Variants in SLC39A11 observed in about 807,000 individuals in gnomAD.
SLC39A11 encodes zinc transporter ZIP11.
A neutral mutation model predicts 36.1 loss-of-function variants in SLC39A11; 33 were observed. The ratio of observed to expected loss-of-function variants is 0.91; its 90% CI spans 0.69 to 1.22. The LOEUF is 1.22. SLC39A11 is among the 50% of genes most tolerant of loss of function. The pLI is 0.00. For missense variants in SLC39A11, 432 were observed against 430.3 expected, an observed-to-expected ratio of 1.00 and a Z score of -0.03; for synonymous variants, 166 against 170.3, an observed-to-expected ratio of 0.97 and a Z score of 0.20.
intron 6 of SLC39A11, among the ~76,000 whole-genome samples, chr17:72,754,020 G>GTGTA (rs1436363238): frequency 1.6e-4 from 17 of 108,350 alleles, no homozygotes; most frequent in African/African-American, 6.5e-4. Flanking sequence ...ATGTATATAT[G>GTGTA]TATATATATA....
At chr17:72,690,147 G>A (rs762858982) in intron 7 of SLC39A11, among the ~76,000 whole-genome samples, 18 of 152,214 alleles carry the variant, frequency 1.2e-4, no homozygotes, top group South Asian at 2.1e-4. Flanking sequence ...GGCTGGTGGC[G>A]GGGCTCAAGA....
At chr17:72,716,942 C>A (rs534143260) in intron 7 of SLC39A11, among the ~76,000 whole-genome samples, 201 of 145,812 alleles carry the variant, frequency 1.4e-3, no homozygotes, top group African/African-American at 4.9e-3. Flanking sequence ...GCACTCCACC[C>A]TGGGAAACAG....
At chr17:72,963,742 T>C (rs891763060) in intron 4 of SLC39A11, among the ~76,000 whole-genome samples, 1 of 152,162 alleles carries the variant, frequency 6.6e-6, no homozygotes, top group East Asian at 1.9e-4. Context: ...AGTCATTATA[T>C]AGTTGAGGTT....
rs1330451371 is a variant in SLC39A11, at chr17:73,088,648, G to A, written c.108+9C>T. The A allele has an allele frequency of 6.2e-7, 1 of 1,607,216 alleles. No individual in the cohort carries two copies. Among genetic ancestry groups the A allele is most frequent in the Admixed American group, 1.7e-5 (1 of 59,430 alleles). Reference sequence around the variant, plus strand: ...CACCAACATCCAGAACCAAAGCAAGGCAACTCACCTGTCCACTAGAGAATA... The same window carrying A: ...CACCAACATCCAGAACCAAAGCAAGACAACTCACCTGTCCACTAGAGAATA... On this transcript the variant is annotated intron_variant, in intron 2 of 9. Coordinates refer to ENST00000255559, the MANE Select transcript of SLC39A11 (RefSeq NM_139177.4).
At chr17:72,651,435 G>A (rs2069848024) in intron 7 of SLC39A11, among the ~76,000 whole-genome samples, 1 of 152,206 alleles carries the variant, frequency 6.6e-6, no homozygotes, top group African/African-American at 2.4e-5. Context: ...AGCCCAGGGT[G>A]CTTACTGTAT....
chr17:73,058,779 A>G (rs2059749967), intron 3 of SLC39A11, among the ~76,000 whole-genome samples: 1 of 152,222 alleles, frequency 6.6e-6, no homozygotes, highest in Non-Finnish European at 1.5e-5. Flanking sequence ...TTCCTTTTGT[A>G]GGATCTGTCT....
intron 4 of SLC39A11, among the ~76,000 whole-genome samples, chr17:72,963,760 G>T (rs996291183): frequency 2.0e-5 from 3 of 152,114 alleles, no homozygotes; most frequent in Admixed American, 1.3e-4. Flanking sequence ...GTTCTGCCTG[G>T]CAAAGGCTTC....
At chr17:72,738,153 C>T (rs1568009121) in intron 6 of SLC39A11, among the ~76,000 whole-genome samples, 3 of 152,062 alleles carry the variant, frequency 2.0e-5, no homozygotes, top group South Asian at 2.1e-4. Context: ...TACAGGCGCC[C>T]GCTACCACGC....
intron 6 of SLC39A11, among the ~76,000 whole-genome samples, chr17:72,846,118 C>T (rs2079046833): frequency 6.7e-6 from 1 of 148,616 alleles, no homozygotes; most frequent in Admixed American, 6.8e-5. Flanking sequence ...CAACCTCTGC[C>T]TCCTGGGTTC....
chr17:72,989,801 G>T (rs2089039998), intron 4 of SLC39A11, among the ~76,000 whole-genome samples: 1 of 152,156 alleles, frequency 6.6e-6, no homozygotes, highest in Non-Finnish European at 1.5e-5. Context: ...TTGAGCCCTG[G>T]TATACCACTC....
At chr17:72,935,324 A>G (rs1025363763) in intron 5 of SLC39A11, among the ~76,000 whole-genome samples, 1 of 152,158 alleles carries the variant, frequency 6.6e-6, no homozygotes, top group African/African-American at 2.4e-5. Context: ...GCAAAAATAT[A>G]GGGGCAGAGA....
intron 4 of SLC39A11, among the ~76,000 whole-genome samples, chr17:73,018,719 C>T (rs558140689): frequency 6.6e-6 from 1 of 151,936 alleles, no homozygotes; most frequent in South Asian, 2.1e-4. Flanking sequence ...CATGACAACA[C>T]TCAAACTTCT....
At chr17:72,718,312 G>A (rs540140149) in intron 7 of SLC39A11, among the ~76,000 whole-genome samples, 36 of 152,218 alleles carry the variant, frequency 2.4e-4, no homozygotes, top group East Asian at 3.9e-4. Flanking sequence ...AGTGGCAGGC[G>A]CCTGTAATCC....
intron 5 of SLC39A11, among the ~76,000 whole-genome samples, chr17:72,864,636 T>C (rs1010109067): frequency 2.0e-5 from 3 of 152,198 alleles, no homozygotes; most frequent in Admixed American, 2.0e-4. Flanking sequence ...AACAGGAAAA[T>C]AAACATGCTC....
chr17:72,737,164 G>A (rs1017318685), intron 6 of SLC39A11, among the ~76,000 whole-genome samples: 4 of 151,964 alleles, frequency 2.6e-5, no homozygotes, highest in Non-Finnish European at 4.4e-5. Context: ...TAATCCCAGC[G>A]ACTCGAGAGG....
At chr17:72,720,877 A>G (rs1348900422) in intron 7 of SLC39A11, among the ~76,000 whole-genome samples, 1 of 152,166 alleles carries the variant, frequency 6.6e-6, no homozygotes, top group Non-Finnish European at 1.5e-5. Flanking sequence ...AATAGTGCCT[A>G]TTCATCCCCC....
intron 4 of SLC39A11, among the ~76,000 whole-genome samples, chr17:72,971,091 A>G (rs555302549): frequency 2.0e-5 from 3 of 152,306 alleles, no homozygotes; most frequent in African/African-American, 4.8e-5. Flanking sequence ...TGTTTCTCCA[A>G]TTCCCTGCTT....
intron 4 of SLC39A11, among the ~76,000 whole-genome samples, chr17:73,029,355 C>T (rs1259185620): frequency 2.6e-5 from 4 of 151,946 alleles, no homozygotes; most frequent in African/African-American, 9.7e-5. Flanking sequence ...CAGCAGGAGC[C>T]ATGCAGAGCC....
chr17:72,890,576 AG>A (rs754828266), intron 5 of SLC39A11, among the ~76,000 whole-genome samples: 2 of 152,210 alleles, frequency 1.3e-5, no homozygotes, highest in Non-Finnish European at 2.9e-5. Flanking sequence ...CTGAACTGGG[AG>A]AAAAAAGCTA....
Sources: allele counts gnomAD v4.1 joint callset (sites outside exome capture counted in the v4.1 genomes callset), GRCh38; gene constraint gnomAD v4.1.1; transcripts MANE v1.5; gene names NCBI Gene and HGNC (gene_info 2026-07-23, HGNC 2026-07-21).